Variants in HDLBP observed in about 807,000 individuals in gnomAD.
HDLBP encodes high density lipoprotein binding protein, also known as vigilin.
Under a neutral mutation model 137.3 loss-of-function variants are expected in HDLBP, and 30 were observed. The observed-to-expected ratio is 0.22, with a 90% CI of 0.16 to 0.30. The LOEUF (loss-of-function observed/expected upper bound fraction) is 0.30, where lower values mean the gene tolerates loss of function less well. Among genes scored for constraint, HDLBP ranks in the 10% least tolerant of loss-of-function variants. The pLI is 1.00. For synonymous variants in HDLBP, 606 were observed against 596.0 expected (o/e 1.02, Z -0.24); for missense variants, 1,119 against 1,667.3 (o/e 0.67, Z 5.73).
At chr2:241,284,934 GCA>G (rs2074748077) in intron 1 of HDLBP, among the ~76,000 whole-genome samples, 1 of 152,184 alleles carries the variant, frequency 6.6e-6, no homozygotes, top group Non-Finnish European at 1.5e-5. Flanking sequence ...GAGTGCAGTG[GCA>G]CAGTCTTGAT....
intron 2 of HDLBP, chr2:241,267,769 G>T (rs977124728): frequency 4.6e-5 from 70 of 1,512,266 alleles, no homozygotes; most frequent in Non-Finnish European, 6.0e-5. Context: ...CCCACAAATT[G>T]CGCTAAATGC....
rs2071024695 is a variant in HDLBP, at chr2:241,239,827, T to C, written c.2392-7A>G. 1.2e-6 allele frequency: 2 copies of C among 1,611,838 alleles called. No homozygotes were observed. Among genetic ancestry groups the C allele is most frequent in the Admixed American group, 1.7e-5 (1 of 59,982 alleles). Reference sequence around the variant, plus strand: ...AGTCTTCCACCACATTATCCTGCAGTGTTAAGAAGAGATGGAAGATAAGCC... The same window carrying C: ...AGTCTTCCACCACATTATCCTGCAGCGTTAAGAAGAGATGGAAGATAAGCC... On this transcript the variant is annotated splice_polypyrimidine_tract_variant and splice_region_variant and intron_variant, in intron 18 of 27. Transcript: ENST00000310931. This position sits in a 1 kb window ranked among gnomAD's most constrained non-coding sequence, Gnocchi z 4.6.
At chr2:241,234,796 A>G (rs2070208407) in intron 23 of HDLBP, among the ~76,000 whole-genome samples, 1 of 152,230 alleles carries the variant, frequency 6.6e-6, no homozygotes, top group Non-Finnish European at 1.5e-5. Flanking sequence ...TCCTCACTGC[A>G]TAGCACATGC....
intron 2 of HDLBP, chr2:241,267,770 C>T (rs1183106009): frequency 7.3e-6 from 11 of 1,511,036 alleles, no homozygotes; most frequent in South Asian, 1.2e-5. Flanking sequence ...CCACAAATTG[C>T]GCTAAATGCC....
chr2:241,231,715 G>C (rs1195375481), intron 24 of HDLBP, among the ~76,000 whole-genome samples: 1 of 152,072 alleles, frequency 6.6e-6, no homozygotes, highest in Non-Finnish European at 1.5e-5. Flanking sequence ...CCTTCCTTGG[G>C]CCACACAAAT....
chr2:241,300,026 A>C (rs1559554515), intron 1 of HDLBP, among the ~76,000 whole-genome samples: 1 of 152,216 alleles, frequency 6.6e-6, no homozygotes. Flanking sequence ...TCACGATTCT[A>C]AAGTCTGTCA....
chr2:241,312,497 G>GA (rs2075784244), intron 1 of HDLBP, among the ~76,000 whole-genome samples: 1 of 152,086 alleles, frequency 6.6e-6, no homozygotes, highest in Non-Finnish European at 1.5e-5. Context: ...TTTTACAATT[G>GA]AAGAGAAAAA....
In HDLBP at chr2:241,240,889, C is replaced by A. The variant is rs957613307; in HGVS notation, c.2170-767G>T. Among the ~76,000 whole-genome samples, 1 of 152,054 alleles carries A rather than the reference C, an allele frequency of 6.6e-6. No individual in the cohort carries two copies. The highest frequency in any genetic ancestry group is 2.4e-5 in the African/African-American group (1 of 41,394). On this transcript the variant is annotated intron_variant, in intron 17 of 27. Transcript: ENST00000310931. The surrounding 1 kb of genome is among the most constrained non-coding windows in gnomAD (Gnocchi z 5.5). ...CACACGGGGAGCTCTTGCCTTTCTC[C>A]GGACCCAAGATCTGGCCCGCAAGCA...
At position 241,229,564 on chromosome 2, in the gene HDLBP, G is replaced by T; in HGVS notation, c.*37C>A. 1 of 1,514,388 alleles carries T rather than the reference G, an allele frequency of 6.6e-7. No homozygotes were observed. Among genetic ancestry groups the T allele is most frequent in the Non-Finnish European group, 9.2e-7 (1 of 1,091,672 alleles). 93.8% of individuals were successfully genotyped at this position (1,514,388 alleles called of 1,614,324 possible). On this transcript the variant is annotated 3_prime_UTR_variant, in exon 28 of 28. Coordinates refer to ENST00000310931, the MANE Select transcript of HDLBP (RefSeq NM_005336.6). Reference sequence around the variant, plus strand: ...CAAACCATTGTGTGGTTGGGTTTGGGTCAGCAGGCTGGAGAGGGTTCTGTT... The same window carrying T: ...CAAACCATTGTGTGGTTGGGTTTGGTTCAGCAGGCTGGAGAGGGTTCTGTT...
chr2:241,312,502 G>T (rs2075784391), intron 1 of HDLBP, among the ~76,000 whole-genome samples: 1 of 152,186 alleles, frequency 6.6e-6, no homozygotes, highest in African/African-American at 2.4e-5. Context: ...CAATTGAAGA[G>T]AAAAAGCATT....
rs781161341 is a variant in HDLBP at position 241,238,756 on chromosome 2, G to T, written c.2642C>A (p.Pro881His). Residue 881 changes from proline to histidine, a missense_variant, in exon 20 of 28, where the codon CCC (proline) becomes CAC (histidine). Physicochemically the swap from Pro to His is moderately conservative, Grantham distance 77. This residue lies in a region of HDLBP where 618 missense variants were observed against 816.7 expected (regional missense o/e 0.76). Coordinates refer to ENST00000310931, the MANE Select transcript of HDLBP (RefSeq NM_005336.6). This position sits in a 1 kb window ranked among gnomAD's most constrained non-coding sequence, Gnocchi z 4.9. ...EAQVTLECAI[P>H]QKFHRSVMGP... ...CATGACAGATCGATGGAATTTCTGG[G>T]GTATAGCACATTCTAATGTCACCTG... 5 of 1,565,098 alleles carry T rather than the reference G, an allele frequency of 3.2e-6. No individual in the cohort carries two copies. The highest frequency in any genetic ancestry group is 4.4e-6 in the Non-Finnish European group (5 of 1,145,700).
In HDLBP at chr2:241,272,741, G is replaced by A. The variant is rs1354437301; in HGVS notation, c.-102-4200C>T. 3 of 321,096 alleles carry A rather than the reference G, an allele frequency of 9.3e-6. No individual in the cohort carries two copies. The South Asian group carries it at 4.1e-4, about 43-fold the overall frequency. 19.9% of individuals were successfully genotyped at this position (321,096 alleles called of 1,614,324 possible). On this transcript the variant is annotated intron_variant, in intron 1 of 27. Transcript: ENST00000310931. The surrounding 1 kb of genome is among the most constrained non-coding windows in gnomAD (Gnocchi z 5.6). ...TCCGCCCGCCCGCCCAGGCCTCCCA[G>A]CCCCGTGTTGCGCGCTCACTCGTGG...
chr2:241,256,726 C>T lies in HDLBP; in HGVS notation c.531G>A (p.Glu177=). 1 of 1,614,186 alleles carries T rather than the reference C, an allele frequency of 6.2e-7. No homozygotes were observed. Among genetic ancestry groups the T allele is most frequent in the South Asian group, 1.1e-5 (1 of 91,086 alleles). ...GKNGEKLQDL[E]LKTATKIQIP... ...TCTGGATTTTGGTTGCAGTTTTTAG[C>T]TCCAAGTCTTGCAGTTTCTCTCCAT... Residue 177 remains glutamate, a synonymous_variant, in exon 6 of 28, where the codon GAG becomes GAA. Transcript: ENST00000310931.
intron 1 of HDLBP, among the ~76,000 whole-genome samples, chr2:241,275,525 A>G (rs1246964937): frequency 6.6e-6 from 1 of 152,212 alleles, no homozygotes; most frequent in East Asian, 1.9e-4. Flanking sequence ...ACATTTTTTA[A>G]AATAGCTGAG....
At position 241,230,528 on chromosome 2, in the gene HDLBP, G is replaced by A. The variant is rs528231324; in HGVS notation, c.3474+231C>T. Among the ~76,000 whole-genome samples, 8 of 152,328 alleles carry A rather than the reference G, an allele frequency of 5.3e-5. No homozygotes were observed. The South Asian group carries it at 6.2e-4, about 12-fold the overall frequency. ...ATTCCCACCCACAGAGGACGAGCTC[G>A]CCAGGCAGCTGTCAAGGAGATGCCC... On this transcript the variant is annotated intron_variant, in intron 25 of 27. Coordinates refer to ENST00000310931, the MANE Select transcript of HDLBP (RefSeq NM_005336.6). The surrounding 1 kb of genome is among the most constrained non-coding windows in gnomAD (Gnocchi z 5.0).
At chr2:241,312,750 A>G (rs1447479555) in intron 1 of HDLBP, among the ~76,000 whole-genome samples, 3 of 152,234 alleles carry the variant, frequency 2.0e-5, no homozygotes, top group Non-Finnish European at 4.4e-5. Flanking sequence ...TGTACTCCAA[A>G]AAGCATGTTC....
At chr2:241,314,489 T>C (rs1166605968) in intron 1 of HDLBP, among the ~76,000 whole-genome samples, 1 of 152,198 alleles carries the variant, frequency 6.6e-6, no homozygotes, top group East Asian at 1.9e-4. Context: ...GCTTAGGGTA[T>C]AGGTAGCTAT....
At position 241,235,540 on chromosome 2, in the gene HDLBP, C is replaced by T. The variant is rs34961814; in HGVS notation, c.2959G>A (p.Val987Ile). Residue 987 changes from valine to isoleucine, a missense_variant, in exon 22 of 28, where the codon GTT becomes ATT. By Grantham distance (29) the Val-to-Ile change is conservative (BLOSUM62 3). This residue lies in a region of HDLBP where 618 missense variants were observed against 816.7 expected (regional missense o/e 0.76). Coordinates refer to ENST00000310931, the MANE Select transcript of HDLBP (RefSeq NM_005336.6). ...ATCCCACTTCCTTTCTGCCCAATAACGTAACGGTGAAGGTCAAAGGGCACC... is the reference window on the plus strand; with the variant it reads ...ATCCCACTTCCTTTCTGCCCAATAATGTAACGGTGAAGGTCAAAGGGCACC... ...VEVPFDLHRYVIGQKGSGIRK... is the reference protein window; with the variant it reads ...VEVPFDLHRYIIGQKGSGIRK... 1.6e-4 allele frequency: 253 copies of T among 1,614,008 alleles called. No homozygotes were observed. Among genetic ancestry groups the T allele is most frequent in the South Asian group, 6.6e-5 (6 of 91,078 alleles).
At chr2:241,278,268 A>G (rs995046610) in intron 1 of HDLBP, among the ~76,000 whole-genome samples, 3 of 152,226 alleles carry the variant, frequency 2.0e-5, no homozygotes, top group East Asian at 3.9e-4. Flanking sequence ...CATGAGGGGC[A>G]AAGATAATTT....
Sources: allele counts gnomAD v4.1 joint callset (sites outside exome capture counted in the v4.1 genomes callset), GRCh38; gene constraint gnomAD v4.1.1; regional missense constraint gnomAD v4.1.1; non-coding constraint Gnocchi (gnomAD v3.1); transcripts MANE v1.5; gene names NCBI Gene and HGNC (gene_info 2026-07-23, HGNC 2026-07-21).